The following PPHLN1 variants were observed in gnomAD, a reference collection of about 807,000 sequenced individuals.
PPHLN1 encodes periphilin 1, also known as periphilin-1.
PPHLN1 carries 29 observed loss-of-function variants against 51.3 expected under a neutral mutation model. That is an observed-to-expected ratio of 0.57 (90% confidence interval 0.42 to 0.77). The LOEUF (loss-of-function observed/expected upper bound fraction) is 0.77. Among genes scored for constraint, PPHLN1 ranks in the 30% least tolerant of loss-of-function variants. The pLI, the probability that PPHLN1 is intolerant of heterozygous loss-of-function variation, is 0.00. For synonymous variants in PPHLN1, 147 were observed against 147.8 expected (o/e 0.99, Z 0.04); for missense variants, 436 against 438.4 (o/e 0.99, Z 0.05).
At chr12:42,417,962 C>G (rs1360963772) in intron 9 of PPHLN1, among the ~76,000 whole-genome samples, 3 of 99,692 alleles carry the variant, frequency 3.0e-5, no homozygotes, top group Non-Finnish European at 3.7e-5. Flanking sequence ...TTTTTTGAGA[C>G]AGAGTCTCGC....
intron 2 of PPHLN1, among the ~76,000 whole-genome samples, chr12:42,344,772 A>C (rs1361199157): frequency 1.4e-5 from 2 of 145,332 alleles, no homozygotes; most frequent in Non-Finnish European, 3.0e-5. Flanking sequence ...GCAGTGGCAT[A>C]ATCTCGGCTC....
At chr12:42,371,864 T>C (rs2075832579) in intron 4 of PPHLN1, among the ~76,000 whole-genome samples, 1 of 152,230 alleles carries the variant, frequency 6.6e-6, no homozygotes. Flanking sequence ...GACCTGTTTC[T>C]CTTTACTTTA....
intron 2 of PPHLN1, among the ~76,000 whole-genome samples, chr12:42,338,414 G>A (rs1001956455): frequency 3.3e-5 from 5 of 152,180 alleles, no homozygotes; most frequent in Admixed American, 3.3e-4. Context: ...GATGTTGAAG[G>A]TGCTGACCCA....
At chr12:42,421,597 C>T (rs2081015442) in intron 9 of PPHLN1, among the ~76,000 whole-genome samples, 1 of 152,304 alleles carries the variant, frequency 6.6e-6, no homozygotes, top group South Asian at 2.1e-4. Context: ...ATCCACCCGC[C>T]TCAGCCTTCC....
chr12:42,387,969 C>T (rs1026762539), intron 7 of PPHLN1, among the ~76,000 whole-genome samples: 19 of 152,190 alleles, frequency 1.2e-4, no homozygotes, highest in Admixed American at 5.2e-4. Context: ...TAAAAGTCAT[C>T]GCCATTCTCT....
intron 5 of PPHLN1, among the ~76,000 whole-genome samples, chr12:42,381,499 A>T (rs1314486609): frequency 1.3e-5 from 2 of 152,210 alleles, no homozygotes; most frequent in Non-Finnish European, 2.9e-5. Flanking sequence ...GTATTCAGTC[A>T]GTTGGCCTTT....
chr12:42,371,066 C>T (rs1379097246), intron 4 of PPHLN1, among the ~76,000 whole-genome samples: 1 of 151,618 alleles, frequency 6.6e-6, no homozygotes, highest in Non-Finnish European at 1.5e-5. Context: ...CTCGGCCTCC[C>T]AAAGTGCTGG....
intron 5 of PPHLN1, among the ~76,000 whole-genome samples, chr12:42,379,055 A>G (rs2076543757): frequency 6.6e-6 from 1 of 151,816 alleles, no homozygotes; most frequent in Non-Finnish European, 1.5e-5. Flanking sequence ...CTTGAAGTTT[A>G]TTTTTATTAT....
intron 6 of PPHLN1, chr12:42,386,944 C>A (rs1323641663): frequency 6.6e-6 from 1 of 152,234 alleles, no homozygotes; most frequent in Non-Finnish European, 1.5e-5. Flanking sequence ...TAATGCCAGG[C>A]ACTGATTAGT....
intron 7 of PPHLN1, among the ~76,000 whole-genome samples, chr12:42,389,175 A>G (rs1367257904): frequency 6.6e-6 from 1 of 151,988 alleles, no homozygotes; most frequent in Admixed American, 6.5e-5. Context: ...GATCGAGACC[A>G]TCCTGGCCAA....
downstream of PPHLN1, chr12:42,445,333 T>C (rs570563204): frequency 3.6e-6 from 2 of 550,570 alleles, no homozygotes; most frequent in East Asian, 3.2e-5. Flanking sequence ...AAACAAATTA[T>C]CCTGCAATGC....
Position 42,336,044 on chromosome 12 carries a change from G to A in PPHLN1, c.72+70G>A, listed in dbSNP as rs1412627929. 6 of 992,976 alleles carry A rather than the reference G, an allele frequency of 6.0e-6. No individual in the cohort carries two copies. In the East Asian group the frequency reaches 1.7e-4, roughly 28 times the overall value. 61.5% of individuals were successfully genotyped at this position (992,976 alleles called of 1,614,324 possible). On this transcript the variant is annotated intron_variant, in intron 2 of 9. Coordinates refer to ENST00000358314, the MANE Select transcript of PPHLN1 (RefSeq NM_201439.2). ...GAATTAATTTGATACACCAAAGCTAGGCCTATTAACAAAATCTTCAAGTGT... is the reference window on the plus strand; with the variant it reads ...GAATTAATTTGATACACCAAAGCTAAGCCTATTAACAAAATCTTCAAGTGT...
intron 9 of PPHLN1, among the ~76,000 whole-genome samples, chr12:42,416,662 TCAA>T (rs2080414532): frequency 1.3e-5 from 2 of 152,234 alleles, no homozygotes; most frequent in South Asian, 4.1e-4. Context: ...GTGTTCTGTT[TCAA>T]CCTTAACTGG....
intron 4 of PPHLN1, 48 bp from the exon 5 acceptor site, chr12:42,374,815 G>T (rs199747722): frequency 7.0e-7 from 1 of 1,430,568 alleles, no homozygotes; most frequent in East Asian, 2.3e-5. Context: ...CTTGTATATA[G>T]AGGATAGAGT....
At chr12:42,395,904 G>A (rs530624113) in intron 8 of PPHLN1, among the ~76,000 whole-genome samples, 47 of 152,214 alleles carry the variant, frequency 3.1e-4, no homozygotes, top group African/African-American at 1.0e-3. Flanking sequence ...TTGGGAAAAC[G>A]TGTAGTTCAT....
At chr12:42,387,330 A>G in intron 6 of PPHLN1, 126 bp from the exon 7 acceptor site, 1 of 976,504 alleles carries the variant, frequency 1.0e-6, no homozygotes. Context: ...ATTTAATGTA[A>G]TAATGTAATG....
chr12:42,368,217 T>TC (rs1204797303), intron 4 of PPHLN1, among the ~76,000 whole-genome samples: 3 of 152,206 alleles, frequency 2.0e-5, no homozygotes, highest in Non-Finnish European at 4.4e-5. Context: ...AATTTTTTTT[T>TC]CTTACAGTTG....
chr12:42,416,898 G>A (rs2080438606), intron 9 of PPHLN1, among the ~76,000 whole-genome samples: 1 of 152,138 alleles, frequency 6.6e-6, no homozygotes, highest in African/African-American at 2.4e-5. Flanking sequence ...TATGAGATAG[G>A]TGGATCAGAG....
chr12:42,395,169 CT>C (rs1293257714), intron 8 of PPHLN1, among the ~76,000 whole-genome samples: 7 of 151,726 alleles, frequency 4.6e-5, no homozygotes, highest in African/African-American at 1.5e-4. Context: ...TTTTAAACAT[CT>C]TTTTTTTCCT....
Sources: gnomAD v4.1 joint callset for allele counts (sites outside exome capture counted in the v4.1 genomes callset) on GRCh38, gnomAD v4.1.1 for gene constraint, MANE v1.5 for transcripts, NCBI Gene and HGNC (gene_info 2026-07-23, HGNC 2026-07-21) for gene names.